Variants in AK8 observed in about 807,000 individuals in gnomAD.
AK8 encodes ATP-AMP transphosphorylase 8.
In AK8, 44 loss-of-function variants were observed where a neutral mutation model predicts 54.6. The observed-to-expected ratio is 0.81, with a 90% CI of 0.63 to 1.04. The LOEUF (loss-of-function observed/expected upper bound fraction) is 1.04, where lower values mean the gene tolerates loss of function less well. AK8 is among the 50% of genes least tolerant of loss of function. The pLI, the probability that AK8 is intolerant of heterozygous loss-of-function variation, is 0.00. For synonymous variants in AK8, 239 were observed against 245.6 expected, an observed-to-expected ratio of 0.97 and a Z score of 0.25; for missense variants, 555 against 613.6, an observed-to-expected ratio of 0.90 and a Z score of 1.01.
intron 10 of AK8, among the ~76,000 whole-genome samples, chr9:132,801,859 G>C (rs1017711262): frequency 6.6e-6 from 1 of 152,192 alleles, no homozygotes; most frequent in Admixed American, 6.5e-5. Context: ...CTAAGGCACA[G>C]GAAGAGGAAG....
intron 11 of AK8, among the ~76,000 whole-genome samples, chr9:132,750,179 T>C (rs1370026207): frequency 6.6e-6 from 1 of 151,744 alleles, no homozygotes; most frequent in East Asian, 1.9e-4. Context: ...AGTGCAATGG[T>C]GCGATCTCGG....
At chr9:132,769,533 G>A (rs1212603551) in intron 11 of AK8, 2 of 152,240 alleles carry the variant, frequency 1.3e-5, no homozygotes, top group African/African-American at 4.8e-5. Context: ...GGGAGGGAGT[G>A]AAAGAGCAAA....
chr9:132,855,699 A>G (rs1205701813), intron 4 of AK8, among the ~76,000 whole-genome samples: 1 of 152,252 alleles, frequency 6.6e-6, no homozygotes, highest in Non-Finnish European at 1.5e-5. Context: ...ACAAGCAGCA[A>G]TCATGACGGC....
intron 10 of AK8, among the ~76,000 whole-genome samples, chr9:132,813,769 G>A (rs1440791017): frequency 6.6e-6 from 1 of 152,114 alleles, no homozygotes; most frequent in Admixed American, 6.5e-5. Context: ...CCCTTACTGT[G>A]GGTCAGATCC....
rs1321746959 is a variant in AK8, at chr9:132,791,359, C to T, written c.1121+1275G>A. On this transcript the variant is annotated intron_variant, in intron 11 of 12. Transcript: ENST00000298545. This position sits in a 1 kb window ranked among gnomAD's most constrained non-coding sequence, Gnocchi z 4.0. ...CCGATCACCTCTCACCAGGTCCCTC[C>T]CTAACATGTGGGGATTATAGTTCAA... is the stretch of plus-strand genomic sequence containing the variant. Among the ~76,000 whole-genome samples, 1 of 152,088 alleles carries T rather than the reference C, an allele frequency of 6.6e-6. No homozygotes were observed. Among genetic ancestry groups the T allele is most frequent in the Non-Finnish European group, 1.5e-5 (1 of 68,032 alleles).
At chr9:132,750,091 T>C (rs1007211640) in intron 11 of AK8, among the ~76,000 whole-genome samples, 3 of 150,714 alleles carry the variant, frequency 2.0e-5, no homozygotes, top group South Asian at 2.1e-4. Context: ...GCATCAGGCT[T>C]CTTGGCCTCT....
chr9:132,796,567 G>A (rs1840180424), intron 10 of AK8, among the ~76,000 whole-genome samples: 1 of 152,080 alleles, frequency 6.6e-6, no homozygotes, highest in Admixed American at 6.6e-5. Context: ...TTAAATCAAA[G>A]AAGGTACATC....
At chr9:132,797,433 C>T (rs1303757597) in intron 10 of AK8, among the ~76,000 whole-genome samples, 2 of 152,312 alleles carry the variant, frequency 1.3e-5, no homozygotes, top group South Asian at 2.1e-4. Flanking sequence ...TCAGGTCCTG[C>T]GGCAACAGAA....
intron 4 of AK8, 36 bp downstream of exon 4, chr9:132,863,629 C>T (rs1393778411): frequency 2.0e-6 from 3 of 1,470,028 alleles, no homozygotes; most frequent in Middle Eastern, 2.2e-4. Context: ...GGCACTGCTG[C>T]TGTGTGCCTA....
chr9:132,756,271 C>G (rs1057016583), intron 11 of AK8, among the ~76,000 whole-genome samples: 1 of 152,230 alleles, frequency 6.6e-6, no homozygotes, highest in African/African-American at 2.4e-5. Context: ...AAAAGAAGCT[C>G]CCAGGTTCTA....
intron 10 of AK8, among the ~76,000 whole-genome samples, chr9:132,805,382 T>C (rs2131218140): frequency 6.6e-6 from 1 of 152,236 alleles, no homozygotes; most frequent in African/African-American, 2.4e-5. Flanking sequence ...CTCCAGCCAG[T>C]GACAAGGAAC....
intron 8 of AK8, among the ~76,000 whole-genome samples, chr9:132,825,876 G>A (rs967027758): frequency 6.6e-6 from 1 of 152,204 alleles, no homozygotes; most frequent in African/African-American, 2.4e-5. Context: ...CATCGTAAAC[G>A]CTTCATTTAC....
At chr9:132,772,325 C>G (rs1388238438) in intron 11 of AK8, among the ~76,000 whole-genome samples, 2 of 152,204 alleles carry the variant, frequency 1.3e-5, no homozygotes, top group African/African-American at 4.8e-5. Context: ...GAAGCCCTCA[C>G]CCCCAGAACC....
At chr9:132,847,945 C>T (rs754108799) in intron 5 of AK8, among the ~76,000 whole-genome samples, 1 of 151,840 alleles carries the variant, frequency 6.6e-6, no homozygotes, top group Non-Finnish European at 1.5e-5. Context: ...GACCACGACT[C>T]TACAAACAAT....
intron 5 of AK8, among the ~76,000 whole-genome samples, chr9:132,843,203 T>C (rs181077020): frequency 6.2e-4 from 94 of 152,232 alleles, no homozygotes; most frequent in African/African-American, 2.1e-3. Context: ...GTTTGGATCA[T>C]GGGGGCGGGT....
intron 11 of AK8, among the ~76,000 whole-genome samples, chr9:132,788,033 A>G (rs1001798721): frequency 5.3e-5 from 8 of 152,096 alleles, no homozygotes; most frequent in African/African-American, 1.7e-4. Flanking sequence ...GAGTGACCAA[A>G]AAAAAAACAA....
chr9:132,796,950 G>A (rs1840201686), intron 10 of AK8, among the ~76,000 whole-genome samples: 2 of 152,086 alleles, frequency 1.3e-5, no homozygotes, highest in Admixed American at 6.5e-5. Flanking sequence ...GGAAAGCAGA[G>A]GTCACAGAAG....
intron 9 of AK8, among the ~76,000 whole-genome samples, chr9:132,818,629 T>C (rs1841438297): frequency 6.6e-6 from 1 of 152,084 alleles, no homozygotes; most frequent in Non-Finnish European, 1.5e-5. Flanking sequence ...AAATACTTGG[T>C]TAATCCAAAA....
At chr9:132,768,091 G>T (rs1348514286) in intron 11 of AK8, among the ~76,000 whole-genome samples, 1 of 152,170 alleles carries the variant, frequency 6.6e-6, no homozygotes, top group East Asian at 1.9e-4. Context: ...AAAATAGCCA[G>T]AAGAGATTTG....
Sources: gnomAD v4.1 joint callset for allele counts (sites outside exome capture counted in the v4.1 genomes callset) on GRCh38, gnomAD v4.1.1 for gene constraint, Gnocchi (gnomAD v3.1) non-coding constraint, MANE v1.5 for transcripts, NCBI Gene and HGNC (gene_info 2026-07-23, HGNC 2026-07-21) for gene names.